FANCA: variants seen among roughly 807,000 people sequenced by gnomAD.
The protein encoded by FANCA is Fanconi anemia group A protein.
A neutral mutation model predicts 194.3 loss-of-function variants in FANCA; 236 were observed. The ratio of observed to expected loss-of-function variants is 1.21; its 90% confidence interval spans 1.09 to 1.35. The LOEUF is 1.35. Among genes scored for constraint, FANCA ranks in the 40% most tolerant of loss-of-function variants. The pLI, the probability that FANCA is intolerant of heterozygous loss-of-function variation, is 0.00. For missense variants in FANCA, 2,628 were observed against 1,813.9 expected (o/e 1.45, Z -8.15); for synonymous variants, 1,014 against 715.8 (o/e 1.42, Z -6.65).
At chr16:89,768,093 GA>G in intron 26 of FANCA, among the ~76,000 whole-genome samples, 1 of 152,304 alleles carries the variant, frequency 6.6e-6, no homozygotes, top group Middle Eastern at 3.4e-3. Flanking sequence ...AGAAGTTCAA[GA>G]CCAGCTTGGG....
At position 89,812,595 on chromosome 16, in the gene FANCA, G is replaced by A. The variant is rs149426430; in HGVS notation, c.284-1524C>T. Among the ~76,000 whole-genome samples the A allele has an allele frequency of 5.8e-5, 8 of 138,286 alleles. No individual in the cohort carries two copies. In the East Asian group the frequency reaches 1.8e-3, roughly 30 times the overall value. The allele number at this position is 138,286 out of a possible 152,430, so 90.7% of individuals were successfully genotyped here. A position where few individuals can be genotyped will look rare whatever the true frequency, so the allele number is the denominator to read the frequency against. On this transcript the variant is annotated intron_variant, in intron 3 of 42. Transcript: ENST00000389301. ...AGGGAGGCAGAGGTTGCGGTGAGTC[G>A]AGATCACACCATTGCACTCCAGCCT...
Position 89,748,721 on chromosome 16 carries a change from G to A in FANCA, c.3286C>T (p.Gln1096Ter), listed in dbSNP as rs775799529. The A allele has an allele frequency of 1.2e-6, 2 of 1,614,128 alleles. No individual in the cohort carries two copies. Among genetic ancestry groups the A allele is most frequent in the South Asian group, 1.1e-5 (1 of 91,076 alleles). ...CTGGCAGTGATGGGCTGTTCTGCCT[G>A]GAAGCTGCTGCCGCAGAGGACAGAC... Reference protein sequence around the residue: ...PSSVLCGSSFQAEQPITARCE... With the variant: ...PSSVLCGSSF The change falls in exon 33 of 43, where the codon CAG (glutamine) becomes TAG (stop). Residue 1096 changes from glutamine to a stop codon, truncating the protein, a stop_gained. Coordinates refer to ENST00000389301, the MANE Select transcript of FANCA (RefSeq NM_000135.4). LOFTEE classifies it high-confidence loss of function.
intron 14 of FANCA, among the ~76,000 whole-genome samples, chr16:89,788,581 G>A (rs143890226): frequency 6.6e-6 from 1 of 152,346 alleles, no homozygotes; most frequent in African/African-American, 2.4e-5. Context: ...GGGATCGCAT[G>A]AGGCCAGGAA....
intron 32 of FANCA, among the ~76,000 whole-genome samples, chr16:89,749,049 T>C (rs1455173202): frequency 3.3e-5 from 5 of 152,222 alleles, no homozygotes; most frequent in African/African-American, 1.2e-4. Context: ...GATAACCAAG[T>C]GGATGACGCA....
At chr16:89,763,077 C>T (rs952112013) in intron 28 of FANCA, among the ~76,000 whole-genome samples, 1 of 151,330 alleles carries the variant, frequency 6.6e-6, no homozygotes, top group African/African-American at 2.4e-5. Flanking sequence ...GAAACCCCAT[C>T]TCTACTAAAA....
At chr16:89,739,072 G>A in intron 41 of FANCA, 61 bp downstream of exon 41, 1 of 1,613,890 alleles carries the variant, frequency 6.2e-7, no homozygotes, top group South Asian at 1.1e-5. Context: ...ACATTCTTTG[G>A]CAGAAGGAGC....
rs370594051 is a variant in FANCA at position 89,785,853 on chromosome 16, G to GTTTTTTTTTTT, written c.1360-890_1360-889insAAAAAAAAAAA. Among the ~76,000 whole-genome samples the GTTTTTTTTTTT allele has an allele frequency of 1.8e-5, 2 of 113,166 alleles. 1 individual carries two copies. Among genetic ancestry groups the GTTTTTTTTTTT allele is most frequent in the South Asian group, 6.0e-4 (2 of 3,308 alleles). The allele number at this position is 113,166 out of a possible 152,430, so 74.2% of individuals were successfully genotyped here. On this transcript the variant is annotated intron_variant, in intron 14 of 42. Coordinates refer to ENST00000389301, the MANE Select transcript of FANCA (RefSeq NM_000135.4). ...TCTTTCTGAAAGCGTGCAAAATTGT[G>GTTTTTTTTTTT]TTTTGTTTTTTTTTTTTTGGAGACA... is the stretch of plus-strand genomic sequence containing the variant.
chr16:89,799,592 G>C lies in FANCA; in HGVS notation c.826+13C>G, dbSNP rs34240625. The C allele has an allele frequency of 3.1e-6, 5 of 1,611,562 alleles. No homozygotes were observed. The African/African-American group carries it at 6.7e-5, about 22-fold the overall frequency. ...AGTCATTTACAGTCTGGGCTGCAGT[G>C]CAATTAACTTACAAATCAGCATTCT... On this transcript the variant is annotated intron_variant, in intron 9 of 42. Coordinates refer to ENST00000389301, the MANE Select transcript of FANCA (RefSeq NM_000135.4).
intron 29 of FANCA, 71 bp from the exon 30 acceptor site, chr16:89,758,776 T>A: frequency 6.3e-7 from 1 of 1,598,018 alleles, no homozygotes; most frequent in East Asian, 2.3e-5. Flanking sequence ...AACCAGGGAA[T>A]AGGCCCATAG....
At chr16:89,776,182 T>G (rs932766106) in intron 20 of FANCA, among the ~76,000 whole-genome samples, 1 of 121,670 alleles carries the variant, frequency 8.2e-6, no homozygotes, top group Admixed American at 8.1e-5. Context: ...TTTTTTTTTT[T>G]TTTGAGACAG....
intron 15 of FANCA, among the ~76,000 whole-genome samples, chr16:89,783,765 C>T (rs530766704): frequency 6.6e-6 from 1 of 151,906 alleles, no homozygotes; most frequent in Non-Finnish European, 1.5e-5. Flanking sequence ...GGGGACACAG[C>T]GTGTTTTTTT....
At chr16:89,776,966 C>T (rs544509901) in intron 20 of FANCA, among the ~76,000 whole-genome samples, 1 of 152,270 alleles carries the variant, frequency 6.6e-6, no homozygotes, top group South Asian at 2.1e-4. Context: ...AATCCCAGCA[C>T]TTTGGGAAGT....
intron 20 of FANCA, 70 bp from the exon 21 acceptor site, chr16:89,775,885 A>T: frequency 1.1e-6 from 1 of 939,328 alleles, no homozygotes; most frequent in Admixed American, 2.0e-5. Flanking sequence ...CAATCCCCAA[A>T]TCTATTATAA....
At chr16:89,805,513 G>C in intron 6 of FANCA, 121 bp from the exon 7 acceptor site, 2 of 704,238 alleles carry the variant, frequency 2.8e-6, no homozygotes, top group Non-Finnish European at 5.2e-6. Context: ...TGAGGCTGGA[G>C]TGCAGTGGCG....
chr16:89,807,531 C>A (rs1322622176), intron 6 of FANCA, among the ~76,000 whole-genome samples: 1 of 151,976 alleles, frequency 6.6e-6, no homozygotes, highest in Non-Finnish European at 1.5e-5. Context: ...AGGGGAATCA[C>A]CTGAGGTTAG....
Position 89,738,368 on chromosome 16 carries a change from G to A in FANCA, c.*233C>T, listed in dbSNP as rs1347935011. On this transcript the variant is annotated 3_prime_UTR_variant, in exon 43 of 43. Transcript: ENST00000389301. ...GTGCTGCCCGCCCTTGGTGCTGGAG[G>A]CGGGCTTGGTGTCCGGCTCAAGTAG... The A allele has an allele frequency of 6.2e-6, 9 of 1,452,110 alleles. No individual in the cohort carries two copies. Among genetic ancestry groups the A allele is most frequent in the Non-Finnish European group, 7.3e-6 (8 of 1,090,408 alleles). 90.0% of individuals were successfully genotyped at this position (1,452,110 alleles called of 1,614,324 possible). A position where few individuals can be genotyped will look rare whatever the true frequency, so the allele number is the denominator to read the frequency against.
Position 89,737,713 on chromosome 16 carries a change from C to G in FANCA, c.*888G>C. 7 of 1,592,224 alleles carry G rather than the reference C, an allele frequency of 4.4e-6. No homozygotes were observed. On this transcript the variant is annotated 3_prime_UTR_variant, in exon 43 of 43. Transcript: ENST00000389301. ...CATGGTGAACCATGTGCAGAAATGT[C>G]TTCCCAGCTGTGATGGTTTCACATT...
chr16:89,766,440 C>T (rs8055825), intron 27 of FANCA, among the ~76,000 whole-genome samples: 78,363 of 151,790 alleles, frequency 0.52, 22,173 homozygotes, highest in East Asian at 0.98. Flanking sequence ...CGGGCACCAG[C>T]GGCTCACGCC....
At chr16:89,754,335 G>A (rs916432903) in intron 30 of FANCA, among the ~76,000 whole-genome samples, 1 of 152,052 alleles carries the variant, frequency 6.6e-6, no homozygotes, top group African/African-American at 2.4e-5. Flanking sequence ...AAAGGAAAAA[G>A]TGAAACTATC....
Sources: gnomAD v4.1 joint callset for allele counts (sites outside exome capture counted in the v4.1 genomes callset) on GRCh38, gnomAD v4.1.1 for gene constraint, MANE v1.5 for transcripts, NCBI Gene and HGNC (gene_info 2026-07-23, HGNC 2026-07-21) for gene names.